EPHB2: variants seen among roughly 807,000 people sequenced by gnomAD.
EPHB2 encodes ephrin type-B receptor 2.
A neutral mutation model predicts 96.4 loss-of-function variants in EPHB2; 18 were observed. The observed-to-expected ratio is 0.19, with a 90% CI of 0.13 to 0.28. The LOEUF is 0.28. Among genes scored for constraint, EPHB2 ranks in the 10% least tolerant of loss-of-function variants. The pLI, the probability that EPHB2 is intolerant of heterozygous loss-of-function variation, is 1.00. For missense variants in EPHB2, 989 were observed against 1,355.4 expected (o/e 0.73, Z 4.25); for synonymous variants, 506 against 534.1 (o/e 0.95, Z 0.72).
chr1:22,797,980 T>C (rs1158678898), intron 3 of EPHB2, among the ~76,000 whole-genome samples: 1 of 152,094 alleles, frequency 6.6e-6, no homozygotes, highest in African/African-American at 2.4e-5. Context: ...ACGCAGCCTG[T>C]CCCCTTCCCT....
In EPHB2 at chr1:22,911,471, C is replaced by G. The variant is rs989931950; in HGVS notation, c.2696+896C>G. On this transcript the variant is annotated intron_variant, in intron 14 of 15. Transcript: ENST00000374630. Reference sequence around the variant, plus strand: ...TGTACTCACCATACACCCATCTGTGCCCCCACACTGAGTCAGCATCCCCAT... The same window carrying G: ...TGTACTCACCATACACCCATCTGTGGCCCCACACTGAGTCAGCATCCCCAT... Among the ~76,000 whole-genome samples the G allele has an allele frequency of 2.6e-5, 4 of 152,156 alleles. No individual in the cohort carries two copies. The South Asian group carries it at 8.3e-4, about 32-fold the overall frequency.
At chr1:22,782,864 C>T (rs1361134479) in intron 2 of EPHB2, among the ~76,000 whole-genome samples, 3 of 152,220 alleles carry the variant, frequency 2.0e-5, no homozygotes, top group African/African-American at 7.2e-5. Context: ...CTGCCCTCCC[C>T]ATGTGTACTC....
chr1:22,727,113 A>G (rs1160980876), intron 1 of EPHB2, among the ~76,000 whole-genome samples: 3 of 152,244 alleles, frequency 2.0e-5, no homozygotes, highest in Non-Finnish European at 4.4e-5. Context: ...AAAGAAATCA[A>G]AAGGAGGGAA....
Position 22,913,802 on chromosome 1 carries a change from G to A in EPHB2, c.*232G>A. The stretch of plus-strand genomic sequence containing the variant: ...GAAAACAGATCCTGGGAGGGGGCGG[G>A]AAATACAAGGAATATTTTTTAAAGA... On this transcript the variant is annotated 3_prime_UTR_variant, in exon 16 of 16. Transcript: ENST00000374630. This position sits in a 1 kb window ranked among gnomAD's most constrained non-coding sequence, Gnocchi z 4.1. The A allele has an allele frequency of 1.2e-6, 2 of 1,609,966 alleles. No homozygotes were observed. The highest frequency in any genetic ancestry group is 1.7e-6 in the Non-Finnish European group (2 of 1,178,146).
chr1:22,712,170 A>C (rs983015530), intron 1 of EPHB2, among the ~76,000 whole-genome samples: 3 of 152,128 alleles, frequency 2.0e-5, no homozygotes, highest in Non-Finnish European at 4.4e-5. Flanking sequence ...CTCAAAATAC[A>C]CCTTCCGGGG....
intron 3 of EPHB2, among the ~76,000 whole-genome samples, chr1:22,785,356 G>A (rs1451171484): frequency 6.6e-6 from 1 of 152,232 alleles, no homozygotes; most frequent in Admixed American, 6.5e-5. Flanking sequence ...CATCATATGA[G>A]TATGTCAAGT....
Position 22,917,089 on chromosome 1 carries a change from G to C in EPHB2, c.*3519G>C, listed in dbSNP as rs1640289253. 1 of 152,290 alleles carries C rather than the reference G, an allele frequency of 6.6e-6. No homozygotes were observed. The highest frequency in any genetic ancestry group is 6.5e-5 in the Admixed American group (1 of 15,284). 9.4% of individuals were successfully genotyped at this position (152,290 alleles called of 1,614,324 possible). A position where few individuals can be genotyped will look rare whatever the true frequency, so the allele number is the denominator to read the frequency against. ...GACACTTAAGGGACTCAGGGCTATG[G>C]CTGTTTACTAACCAGCAGTGCCTCT... On this transcript the variant is annotated 3_prime_UTR_variant, in exon 16 of 16. Coordinates refer to ENST00000374630, the MANE Select transcript of EPHB2 (RefSeq NM_017449.5).
At chr1:22,769,909 A>G (rs1570245745) in intron 1 of EPHB2, among the ~76,000 whole-genome samples, 1 of 152,214 alleles carries the variant, frequency 6.6e-6, no homozygotes, top group African/African-American at 2.4e-5. Flanking sequence ...AGGAAGGGAA[A>G]AAACCGAAGT....
chr1:22,736,172 A>G (rs1028445749), intron 1 of EPHB2, among the ~76,000 whole-genome samples: 10 of 152,302 alleles, frequency 6.6e-5, no homozygotes, highest in Non-Finnish European at 2.9e-5. Flanking sequence ...GGGGCTGTGG[A>G]AGAGAGCTCA....
intron 9 of EPHB2, among the ~76,000 whole-genome samples, chr1:22,904,104 A>G (rs921052503): frequency 6.6e-6 from 1 of 152,244 alleles, no homozygotes; most frequent in Admixed American, 6.5e-5. Flanking sequence ...CCTGGCCAAC[A>G]TGGCAAAACC....
intron 3 of EPHB2, among the ~76,000 whole-genome samples, chr1:22,795,204 G>A (rs1249579499): frequency 1.3e-5 from 2 of 152,218 alleles, no homozygotes; most frequent in African/African-American, 4.8e-5. Flanking sequence ...AGGCTGCATG[G>A]CAAGTGAGAG....
At chr1:22,737,995 C>G (rs1357406668) in intron 1 of EPHB2, among the ~76,000 whole-genome samples, 1 of 152,212 alleles carries the variant, frequency 6.6e-6, no homozygotes, top group East Asian at 1.9e-4. Flanking sequence ...GCAGCTCTTA[C>G]ATCAACCTAG....
chr1:22,785,375 T>A (rs1048411111), intron 3 of EPHB2, among the ~76,000 whole-genome samples: 2 of 152,266 alleles, frequency 1.3e-5, no homozygotes, highest in Non-Finnish European at 1.5e-5. Context: ...GTGGTGTCAA[T>A]TTCTTCCTTT....
chr1:22,866,226 C>CT (rs1400150490), intron 5 of EPHB2, among the ~76,000 whole-genome samples: 1 of 152,128 alleles, frequency 6.6e-6, no homozygotes, highest in Admixed American at 6.5e-5. Flanking sequence ...TGCCAAACCC[C>CT]TACAGTAAGC....
At chr1:22,730,245 A>G (rs1643677418) in intron 1 of EPHB2, among the ~76,000 whole-genome samples, 1 of 152,226 alleles carries the variant, frequency 6.6e-6, no homozygotes, top group African/African-American at 2.4e-5. Flanking sequence ...GGGTGGCTTG[A>G]TGAGGCCACA....
chr1:22,891,380 G>GAT, intron 6 of EPHB2: 1 of 345,944 alleles, frequency 2.9e-6, no homozygotes, highest in Non-Finnish European at 5.7e-6. Flanking sequence ...AGCATTCACA[G>GAT]ATTTTCGTCA....
At chr1:22,724,738 C>T (rs1241695966) in intron 1 of EPHB2, among the ~76,000 whole-genome samples, 4 of 152,138 alleles carry the variant, frequency 2.6e-5, no homozygotes, top group African/African-American at 9.7e-5. Context: ...ACCCAGCTGC[C>T]GCAGGACATG....
intron 3 of EPHB2, among the ~76,000 whole-genome samples, chr1:22,806,113 T>C (rs1027274972): frequency 2.6e-5 from 4 of 152,208 alleles, no homozygotes; most frequent in African/African-American, 9.7e-5. Flanking sequence ...TTCCCATCAA[T>C]GGAATGCTAG....
At chr1:22,891,339 A>C (rs915274892) in intron 6 of EPHB2, 5 of 363,106 alleles carry the variant, frequency 1.4e-5, no homozygotes, top group Non-Finnish European at 2.2e-5. Flanking sequence ...TGTGACTGGC[A>C]TGTACAACTA....
Sources: gnomAD v4.1 joint callset for allele counts (sites outside exome capture counted in the v4.1 genomes callset) on GRCh38, gnomAD v4.1.1 for gene constraint, Gnocchi (gnomAD v3.1) non-coding constraint, MANE v1.5 for transcripts, NCBI Gene and HGNC (gene_info 2026-07-23, HGNC 2026-07-21) for gene names.